Variants in TMEM135 observed in about 807,000 individuals in gnomAD.
The protein encoded by TMEM135 is transmembrane protein 135.
A neutral mutation model predicts 60.3 loss-of-function variants in TMEM135; 30 were observed. The ratio of observed to expected loss-of-function variants is 0.50; its 90% CI spans 0.37 to 0.68. The LOEUF (loss-of-function observed/expected upper bound fraction) is 0.68. Ranked by LOEUF, TMEM135 falls within the 30% of genes least tolerant of loss-of-function variation. The pLI is 0.00. For missense variants in TMEM135, 468 were observed against 548.8 expected, an observed-to-expected ratio of 0.85 and a Z score of 1.47; for synonymous variants, 190 against 186.7, an observed-to-expected ratio of 1.02 and a Z score of -0.14.
chr11:87,224,208 T>G (rs2135359265), intron 5 of TMEM135, among the ~76,000 whole-genome samples: 1 of 152,328 alleles, frequency 6.6e-6, no homozygotes, highest in South Asian at 2.1e-4. Context: ...TGGGTGCTTT[T>G]TCTTGAATTA....
chr11:87,308,732 T>A (rs1565166326), intron 9 of TMEM135, among the ~76,000 whole-genome samples: 1 of 152,174 alleles, frequency 6.6e-6, no homozygotes, highest in Admixed American at 6.5e-5. Flanking sequence ...TTACTTACAG[T>A]CTCTCAGACA....
intron 4 of TMEM135, among the ~76,000 whole-genome samples, chr11:87,129,616 C>T (rs577102634): frequency 7.2e-4 from 107 of 148,500 alleles, no homozygotes; most frequent in Non-Finnish European, 1.4e-3. Flanking sequence ...TCTGGGCTCA[C>T]TGCAACCTCT....
At chr11:87,097,029 C>T (rs952546820) in intron 4 of TMEM135, among the ~76,000 whole-genome samples, 2 of 149,784 alleles carry the variant, frequency 1.3e-5, no homozygotes, top group Non-Finnish European at 3.0e-5. Flanking sequence ...CAGGGTCTGG[C>T]TCTGTCACCC....
intron 6 of TMEM135, among the ~76,000 whole-genome samples, chr11:87,238,152 T>C (rs961709996): frequency 4.6e-5 from 7 of 151,976 alleles, no homozygotes; most frequent in African/African-American, 1.4e-4. Flanking sequence ...CTTCGATATA[T>C]TGATTTGCTT....
chr11:87,242,266 G>A (rs1434136033), intron 6 of TMEM135, among the ~76,000 whole-genome samples: 2 of 151,950 alleles, frequency 1.3e-5, no homozygotes, highest in African/African-American at 2.4e-5. Flanking sequence ...GGACATTTGG[G>A]TTGGTTCTAA....
intron 7 of TMEM135, among the ~76,000 whole-genome samples, chr11:87,301,298 G>T (rs531475715): frequency 6.6e-6 from 1 of 151,906 alleles, no homozygotes; most frequent in East Asian, 1.9e-4. Context: ...GTATTGCCTA[G>T]GCTGAAGTGC....
intron 5 of TMEM135, among the ~76,000 whole-genome samples, chr11:87,189,871 C>T (rs1413796674): frequency 1.3e-5 from 2 of 151,792 alleles, no homozygotes; most frequent in Non-Finnish European, 2.9e-5. Flanking sequence ...GAGCCTTGAT[C>T]ATGCTTTGCA....
chr11:87,264,307 C>CTTTTTTTTTTTT (rs145849024), intron 6 of TMEM135, among the ~76,000 whole-genome samples: 2 of 146,634 alleles, frequency 1.4e-5, no homozygotes, highest in Non-Finnish European at 3.0e-5. Context: ...TGTTCTTTTT[C>CTTTTTTTTTTTT]TTTTCTTTTT....
Position 87,038,184 on chromosome 11 carries a change from T to A in TMEM135, c.139T>A (p.Leu47Met). 6.2e-7 allele frequency: 1 copy of A among 1,614,042 alleles called. No homozygotes were observed. Among genetic ancestry groups the A allele is most frequent in the South Asian group, 1.1e-5 (1 of 91,086 alleles). The change falls in exon 1 of 15, where the codon TTG becomes ATG. Residue 47 changes from leucine to methionine, a missense_variant and splice_region_variant. Physicochemically the swap from Leu to Met is conservative, Grantham distance 15 (BLOSUM62 2). Coordinates refer to ENST00000305494, the MANE Select transcript of TMEM135 (RefSeq NM_022918.4). The part of the protein sequence containing the change: ...ESLKIYAPLY[L>M]IAAILRKRKL... ...CCTGAAGATCTATGCTCCTCTGTAC[T>A]TGGTGAGACCCGTCACCCGTCCCGC... is the stretch of plus-strand genomic sequence containing the variant.
At chr11:87,225,069 A>G (rs541703258) in intron 5 of TMEM135, among the ~76,000 whole-genome samples, 14 of 152,268 alleles carry the variant, frequency 9.2e-5, no homozygotes, top group Non-Finnish European at 1.9e-4. Context: ...GCTTCTTAAC[A>G]CAGACTATAT....
chr11:87,236,733 T>A, intron 6 of TMEM135, 49 bp downstream of exon 6: 1 of 1,543,594 alleles, frequency 6.5e-7, no homozygotes, highest in South Asian at 1.1e-5. Context: ...CAGTATCTCT[T>A]TGTAATTTCA....
chr11:87,080,934 C>G lies in TMEM135; in HGVS notation c.362+9319C>G, dbSNP rs561163191. 3.9e-5 allele frequency among the ~76,000 whole-genome samples: 6 copies of G among 152,330 alleles called. No individual in the cohort carries two copies. In the South Asian group the frequency reaches 1.0e-3, roughly 26 times the overall value. On this transcript the variant is annotated intron_variant, in intron 3 of 14. Transcript: ENST00000305494. ...CTCCTGACCTGAAATGATCCACACG[C>G]CTTGGCCTCCCGAAGTGCTGGGATT...
Position 87,195,303 on chromosome 11 carries a change from CTT to C in TMEM135, c.462+37899_462+37900del, listed in dbSNP as rs369214168. Among the ~76,000 whole-genome samples, 773 of 149,918 alleles carry C rather than the reference CTT, an allele frequency of 5.2e-3. 4 individuals carry two copies. Among genetic ancestry groups the C allele is most frequent in the Middle Eastern group, 0.01 (3 of 286 alleles). ...TGTATAATTGAAAAAGTCATTTTCT[CTT>C]TCTTTCTCTTTCCTTCCTTCCTTCC... On this transcript the variant is annotated intron_variant, in intron 5 of 14. Transcript: ENST00000305494.
chr11:87,065,871 GT>G (rs1856640810), intron 1 of TMEM135, among the ~76,000 whole-genome samples: 1 of 152,140 alleles, frequency 6.6e-6, no homozygotes, highest in Non-Finnish European at 1.5e-5. Flanking sequence ...TTGAGGTTTA[GT>G]TTTTCTTTTC....
At chr11:87,043,527 C>T (rs1427917268) in intron 1 of TMEM135, among the ~76,000 whole-genome samples, 1 of 151,686 alleles carries the variant, frequency 6.6e-6, no homozygotes, top group Non-Finnish European at 1.5e-5. Context: ...AAATGGAGAC[C>T]ATCCTGGCCA....
intron 4 of TMEM135, among the ~76,000 whole-genome samples, chr11:87,144,755 G>GT (rs57015442): frequency 2.7e-4 from 40 of 147,176 alleles, no homozygotes; most frequent in East Asian, 4.0e-4. Flanking sequence ...ACTTTCAAGA[G>GT]TTTTTTTTTT....
intron 6 of TMEM135, among the ~76,000 whole-genome samples, chr11:87,290,281 T>C (rs1447360678): frequency 7.5e-6 from 1 of 133,554 alleles, no homozygotes; most frequent in Admixed American, 7.0e-5. Flanking sequence ...AATATAAACA[T>C]TTTATATTGA....
At chr11:87,151,364 T>C (rs1938551816) in intron 4 of TMEM135, among the ~76,000 whole-genome samples, 1 of 152,140 alleles carries the variant, frequency 6.6e-6, no homozygotes, top group South Asian at 2.1e-4. Flanking sequence ...GGGTTCCTTT[T>C]CTTATAACAT....
chr11:87,297,484 A>G (rs1044414290), intron 7 of TMEM135, among the ~76,000 whole-genome samples: 1 of 152,222 alleles, frequency 6.6e-6, no homozygotes, highest in Non-Finnish European at 1.5e-5. Context: ...TTGTTGTTGC[A>G]TTGGCTAGAA....
Sources: allele counts gnomAD v4.1 joint callset (sites outside exome capture counted in the v4.1 genomes callset), GRCh38; gene constraint gnomAD v4.1.1; transcripts MANE v1.5; gene names NCBI Gene and HGNC (gene_info 2026-07-23, HGNC 2026-07-21).